VTI1A: variants seen among roughly 807,000 people sequenced by gnomAD.
VTI1A encodes vesicle transport through interaction with t-SNAREs homolog 1A.
Under a neutral mutation model 34.9 loss-of-function variants are expected in VTI1A, and 22 were observed. The observed-to-expected ratio is 0.63, with a 90% CI of 0.45 to 0.90. The LOEUF (loss-of-function observed/expected upper bound fraction) is 0.90. VTI1A is among the 40% of genes least tolerant of loss of function. The probability of loss-of-function intolerance (pLI) is 0.00; values close to 1 mark genes in which losing one functional copy is unlikely to be tolerated. For missense variants in VTI1A, 268 were observed against 275.6 expected (o/e 0.97, Z 0.20); for synonymous variants, 87 against 97.3 (o/e 0.89, Z 0.62).
intron 7 of VTI1A, among the ~76,000 whole-genome samples, chr10:112,678,564 T>G (rs1848107731): frequency 6.6e-6 from 1 of 152,120 alleles, no homozygotes; most frequent in African/African-American, 2.4e-5. Context: ...AAATCGAGAG[T>G]TAGGGCTTCT....
intron 5 of VTI1A, among the ~76,000 whole-genome samples, chr10:112,607,603 G>A (rs1251357904): frequency 6.6e-6 from 1 of 152,160 alleles, no homozygotes; most frequent in Non-Finnish European, 1.5e-5. Flanking sequence ...TGTTATGAAA[G>A]AAATTACTCC....
At chr10:112,658,938 G>A (rs547036760) in intron 5 of VTI1A, among the ~76,000 whole-genome samples, 12 of 152,316 alleles carry the variant, frequency 7.9e-5, no homozygotes, top group African/African-American at 2.4e-4. Context: ...TGCTAGCCAC[G>A]TAAGTCCTGT....
intron 3 of VTI1A, among the ~76,000 whole-genome samples, chr10:112,507,519 G>A (rs188943318): frequency 3.3e-5 from 5 of 152,272 alleles, no homozygotes; most frequent in Admixed American, 3.3e-4. Context: ...ATGCCAGAAT[G>A]CCTCAGATAG....
At chr10:112,570,816 T>C (rs1589917888) in intron 5 of VTI1A, among the ~76,000 whole-genome samples, 1 of 152,386 alleles carries the variant, frequency 6.6e-6, no homozygotes, top group East Asian at 1.9e-4. Context: ...GATTCATTGC[T>C]GAAAGCAGAG....
At chr10:112,500,806 A>G (rs940539533) in intron 3 of VTI1A, among the ~76,000 whole-genome samples, 1 of 152,308 alleles carries the variant, frequency 6.6e-6, no homozygotes, top group Non-Finnish European at 1.5e-5. Context: ...CATACATGCT[A>G]AAGCTCCACC....
chr10:112,779,430 C>G lies in VTI1A; in HGVS notation c.561-35860C>G, dbSNP rs987252436. 2.0e-5 allele frequency among the ~76,000 whole-genome samples: 3 copies of G among 152,130 alleles called. No homozygotes were observed. The South Asian group carries it at 6.2e-4, about 32-fold the overall frequency. On this transcript the variant is annotated intron_variant, in intron 7 of 7. Coordinates refer to ENST00000393077, the MANE Select transcript of VTI1A (RefSeq NM_145206.4). The stretch of plus-strand genomic sequence containing the variant: ...AAACAGTGATTTCTTAAACTGTTAC[C>G]CATAAAATAAGTTTGTTGTGAACAT...
chr10:112,790,906 C>T (rs1481819006), intron 7 of VTI1A, among the ~76,000 whole-genome samples: 1 of 152,068 alleles, frequency 6.6e-6, no homozygotes, highest in African/African-American at 2.4e-5. Flanking sequence ...TTAGGATACC[C>T]TTGCAATGAA....
At chr10:112,677,603 G>A (rs1198035075) in intron 7 of VTI1A, 1 of 152,254 alleles carries the variant, frequency 6.6e-6, no homozygotes, top group Non-Finnish European at 1.5e-5. Context: ...TAACTCCTGT[G>A]CAGATTCCTA....
chr10:112,737,432 GA>G (rs778740481), intron 7 of VTI1A: 3 of 1,037,860 alleles, frequency 2.9e-6, no homozygotes, highest in Non-Finnish European at 3.5e-6. Flanking sequence ...AAAATGAACT[GA>G]ACAAAAAAGT....
chr10:112,537,251 A>G (rs1850663754), intron 4 of VTI1A, among the ~76,000 whole-genome samples: 1 of 149,028 alleles, frequency 6.7e-6, no homozygotes, highest in African/African-American at 2.5e-5. Flanking sequence ...ACATGTATGC[A>G]TGTACACACA....
intron 3 of VTI1A, among the ~76,000 whole-genome samples, chr10:112,489,228 C>T (rs1238142734): frequency 6.6e-6 from 1 of 152,184 alleles, no homozygotes; most frequent in East Asian, 1.9e-4. Flanking sequence ...TGGATGATCC[C>T]TGAGATCTCT....
chr10:112,481,986 A>G (rs952267832), intron 3 of VTI1A, among the ~76,000 whole-genome samples: 2 of 152,206 alleles, frequency 1.3e-5, no homozygotes, highest in African/African-American at 4.8e-5. Context: ...GAAAATTTCT[A>G]GCTTAACATA....
intron 7 of VTI1A, among the ~76,000 whole-genome samples, chr10:112,678,963 G>T (rs767500495): frequency 1.5e-5 from 2 of 133,304 alleles, no homozygotes; most frequent in African/African-American, 6.6e-5. Context: ...GGAATATGTG[G>T]CTTGTTTTCA....
chr10:112,677,194 G>A (rs920354481), intron 7 of VTI1A, among the ~76,000 whole-genome samples: 28 of 152,086 alleles, frequency 1.8e-4, no homozygotes, highest in African/African-American at 5.8e-4. Flanking sequence ...GCTTTTTTCC[G>A]AAAGGGTAAT....
intron 3 of VTI1A, among the ~76,000 whole-genome samples, chr10:112,482,794 CA>C (rs1564794888): frequency 6.6e-6 from 1 of 152,138 alleles, no homozygotes; most frequent in Non-Finnish European, 1.5e-5. Flanking sequence ...ACTATTTCTA[CA>C]AAATCTTTTT....
At chr10:112,534,912 C>T (rs894805198) in intron 4 of VTI1A, among the ~76,000 whole-genome samples, 13 of 152,122 alleles carry the variant, frequency 8.5e-5, no homozygotes, top group East Asian at 5.8e-4. Context: ...AACCTCTATA[C>T]GAAGAAACTA....
At chr10:112,837,926 G>A in the VTI1A span, among the ~76,000 whole-genome samples, 2 of 152,282 alleles carry the variant, frequency 1.3e-5, no homozygotes, top group East Asian at 1.9e-4. Flanking sequence ...TCCAGGCCTC[G>A]GCCAAGGGTT....
intron 7 of VTI1A, among the ~76,000 whole-genome samples, chr10:112,731,849 A>G (rs1850275045): frequency 6.6e-6 from 1 of 152,176 alleles, no homozygotes; most frequent in South Asian, 2.1e-4. Flanking sequence ...AGACATTTTT[A>G]TGTAAATGGA....
chr10:112,691,449 G>A (rs1471285331), intron 7 of VTI1A, among the ~76,000 whole-genome samples: 1 of 152,054 alleles, frequency 6.6e-6, no homozygotes, highest in Non-Finnish European at 1.5e-5. Flanking sequence ...ATCTCTCTGA[G>A]AGAGCTAGTT....
Sources: gnomAD v4.1 joint callset for allele counts (sites outside exome capture counted in the v4.1 genomes callset) on GRCh38, gnomAD v4.1.1 for gene constraint, MANE v1.5 for transcripts, NCBI Gene and HGNC (gene_info 2026-07-23, HGNC 2026-07-21) for gene names.